The following CREG2 variants were observed in gnomAD, a reference collection of about 807,000 sequenced individuals.
CREG2 encodes the protein cellular repressor of E1A stimulated genes 2, also known as protein CREG2.
CREG2 carries 24 observed loss-of-function variants against 26.2 expected under a neutral mutation model. The observed-to-expected ratio is 0.92, with a 90% CI of 0.66 to 1.29. CREG2 has a LOEUF of 1.29. Ranked by LOEUF, CREG2 falls within the 50% of genes most tolerant of loss-of-function variation. The pLI is 0.00. For synonymous variants in CREG2, 174 were observed against 169.2 expected, an observed-to-expected ratio of 1.03 and a Z score of -0.22; for missense variants, 366 against 398.6, an observed-to-expected ratio of 0.92 and a Z score of 0.70.
intron 2 of CREG2, among the ~76,000 whole-genome samples, chr2:101,359,809 A>G (rs1235643163): frequency 6.6e-6 from 1 of 152,276 alleles, no homozygotes; most frequent in Non-Finnish European, 1.5e-5. Context: ...CGCTGTTACC[A>G]GCATTATGCA....
At position 101,371,570 on chromosome 2, in the gene CREG2, G is replaced by C. The variant is rs538739555; in HGVS notation, c.611+11963C>G. ...AGCCCCTCAGCCTCCTAGTCTGAAC[G>C]ATGAAAGGCAGGAGTGGATGGCCAG... On this transcript the variant is annotated intron_variant, in intron 2 of 3. Transcript: ENST00000324768. 1.3e-3 allele frequency among the ~76,000 whole-genome samples: 205 copies of C among 152,308 alleles called. 3 individuals carry two copies. The highest frequency in any genetic ancestry group is 4.8e-3 in the African/African-American group (201 of 41,564).
rs1379040330 is a variant in CREG2, at chr2:101,349,204, C to G, written c.*1719G>C. On this transcript the variant is annotated 3_prime_UTR_variant, in exon 4 of 4. Transcript: ENST00000324768. ...TTCTTCCAGCTTTCTCCCCATTTTT[C>G]TAAATTGGGAGTAGCAATAATTTTA... The G allele has an allele frequency of 6.6e-6, 1 of 152,530 alleles. No individual in the cohort carries two copies. The highest frequency in any genetic ancestry group is 1.5e-5 in the Non-Finnish European group (1 of 68,002). 9.4% of individuals were successfully genotyped at this position (152,530 alleles called of 1,614,324 possible). A position where few individuals can be genotyped will look rare whatever the true frequency, so the allele number is the denominator to read the frequency against.
chr2:101,360,473 A>G (rs903456281), intron 2 of CREG2, among the ~76,000 whole-genome samples: 1 of 152,154 alleles, frequency 6.6e-6, no homozygotes, highest in Non-Finnish European at 1.5e-5. Flanking sequence ...AGTGACTCAC[A>G]CCTGTAATCC....
chr2:101,356,204 C>T (rs900969267), intron 2 of CREG2, among the ~76,000 whole-genome samples: 1 of 152,188 alleles, frequency 6.6e-6, no homozygotes, highest in Middle Eastern at 3.2e-3. Context: ...CTTCGCCTCT[C>T]GAAGTCCAGC....
At chr2:101,363,242 C>T (rs1377810334) in intron 2 of CREG2, among the ~76,000 whole-genome samples, 1 of 152,148 alleles carries the variant, frequency 6.6e-6, no homozygotes, top group African/African-American at 2.4e-5. Context: ...GGAGAATGAT[C>T]AGTCACAGCA....
intron 2 of CREG2, chr2:101,382,596 T>C (rs987592261): frequency 1.6e-5 from 16 of 985,314 alleles, no homozygotes; most frequent in Non-Finnish European, 9.6e-6. Context: ...TCAGCTGAAG[T>C]GTCTCCATGT....
At chr2:101,372,776 GACTCTT>G (rs1311423208) in intron 2 of CREG2, among the ~76,000 whole-genome samples, 1 of 152,116 alleles carries the variant, frequency 6.6e-6, no homozygotes, top group Non-Finnish European at 1.5e-5. Flanking sequence ...AATATATAAA[GACTCTT>G]ACAACTCAAC....
At chr2:101,357,368 A>G (rs988665815) in intron 2 of CREG2, among the ~76,000 whole-genome samples, 2 of 152,176 alleles carry the variant, frequency 1.3e-5, no homozygotes, top group African/African-American at 2.4e-5. Context: ...TAATCATGTC[A>G]GGGTGCCTAT....
intron 2 of CREG2, chr2:101,375,828 T>C (rs914549638): frequency 6.5e-6 from 1 of 153,964 alleles, no homozygotes; most frequent in Non-Finnish European, 1.5e-5. Flanking sequence ...CCCAGCTGCT[T>C]ATCTGAACCA....
chr2:101,372,179 T>G (rs1276401673), intron 2 of CREG2, among the ~76,000 whole-genome samples: 1 of 152,156 alleles, frequency 6.6e-6, no homozygotes, highest in Non-Finnish European at 1.5e-5. Context: ...TAGGGGACTT[T>G]GTATATGTGG....
At chr2:101,360,739 G>GA (rs201357877) in intron 2 of CREG2, among the ~76,000 whole-genome samples, 3,919 of 123,228 alleles carry the variant, frequency 0.032, 70 homozygotes, top group African/African-American at 0.041. Flanking sequence ...CTCAGTCTCA[G>GA]AAAAAAAAAA....
intron 2 of CREG2, among the ~76,000 whole-genome samples, chr2:101,381,272 C>A (rs570857318): frequency 2.6e-5 from 4 of 152,342 alleles, no homozygotes; most frequent in Admixed American, 2.6e-4. Flanking sequence ...CTACCAGATA[C>A]CTCGCTATAT....
intron 2 of CREG2, among the ~76,000 whole-genome samples, chr2:101,377,291 T>C (rs552068306): frequency 2.0e-5 from 3 of 152,120 alleles, no homozygotes; most frequent in Non-Finnish European, 4.4e-5. Flanking sequence ...GAAAAGCATC[T>C]GATAAAACCT....
At chr2:101,386,927 G>A in intron 1 of CREG2, 90 bp downstream of exon 1, 1 of 1,192,370 alleles carries the variant, frequency 8.4e-7, no homozygotes, top group Non-Finnish European at 1.0e-6. Context: ...CCGGATCTCA[G>A]TCCCGAGCGG....
chr2:101,376,700 A>G (rs1381949171), intron 2 of CREG2, among the ~76,000 whole-genome samples: 1 of 152,228 alleles, frequency 6.6e-6, no homozygotes, highest in African/African-American at 2.4e-5. Flanking sequence ...GTATAACTCA[A>G]CATGATACGA....
At chr2:101,351,152 T>C (rs1684375871) in intron 3 of CREG2, 82 bp from the exon 4 acceptor site, 1 of 1,403,098 alleles carries the variant, frequency 7.1e-7, no homozygotes, top group East Asian at 2.4e-5. Flanking sequence ...ACCTCCAGAG[T>C]CCAGGCCTCA....
chr2:101,366,422 G>C (rs1239682020), intron 2 of CREG2, among the ~76,000 whole-genome samples: 1 of 152,034 alleles, frequency 6.6e-6, no homozygotes, highest in Non-Finnish European at 1.5e-5. Flanking sequence ...AGAAGCCTTG[G>C]ACATACAGTT....
chr2:101,359,986 G>T (rs1303375267), intron 2 of CREG2, among the ~76,000 whole-genome samples: 1 of 152,204 alleles, frequency 6.6e-6, no homozygotes, highest in Non-Finnish European at 1.5e-5. Context: ...AAGTCTGTTT[G>T]ATTCCATGCT....
chr2:101,383,491 A>C (rs1684911239), intron 2 of CREG2, 42 bp downstream of exon 2: 1 of 1,607,448 alleles, frequency 6.2e-7, no homozygotes, highest in Admixed American at 1.7e-5. Flanking sequence ...TCTGTCAAAA[A>C]CTTCCCAGGA....
Sources: allele counts gnomAD v4.1 joint callset (sites outside exome capture counted in the v4.1 genomes callset), GRCh38; gene constraint gnomAD v4.1.1; transcripts MANE v1.5; gene names NCBI Gene and HGNC (gene_info 2026-07-23, HGNC 2026-07-21).